FAF2: variants seen among roughly 807,000 people sequenced by gnomAD.
The protein encoded by FAF2 is FAS-associated factor 2.
FAF2 carries 9 observed loss-of-function variants against 62.3 expected under a neutral mutation model. The observed-to-expected ratio is 0.14, with a 90% CI of 0.09 to 0.25. The LOEUF is 0.25. FAF2 is among the 10% of genes least tolerant of loss of function. The pLI is 1.00. For synonymous variants in FAF2, 202 were observed against 198.0 expected, an observed-to-expected ratio of 1.02 and a Z score of -0.17; for missense variants, 368 against 556.2, an observed-to-expected ratio of 0.66 and a Z score of 3.40.
intron 4 of FAF2, among the ~76,000 whole-genome samples, chr5:176,489,290 CCT>C: frequency 1.2e-5 from 1 of 84,116 alleles, no homozygotes; most frequent in African/African-American, 4.1e-5. Context: ...TTTGTCTCCC[CCT>C]CCCCCCCCCA....
Position 176,508,921 on chromosome 5 carries a change from G to A in FAF2, c.*1971G>A, listed in dbSNP as rs1486457723. 1 of 152,158 alleles carries A rather than the reference G, an allele frequency of 6.6e-6. No individual in the cohort carries two copies. Among genetic ancestry groups the A allele is most frequent in the East Asian group, 1.9e-4 (1 of 5,198 alleles). The allele number at this position is 152,158 out of a possible 1,614,324, so 9.4% of individuals were successfully genotyped here. A position where few individuals can be genotyped will look rare whatever the true frequency, so the allele number is the denominator to read the frequency against. Reference sequence around the variant, plus strand: ...GGAGGGTATTAAGGACCTTTGTGAGGCTAGGTACACTGTCCACACCTCTTT... The same window carrying A: ...GGAGGGTATTAAGGACCTTTGTGAGACTAGGTACACTGTCCACACCTCTTT... On this transcript the variant is annotated 3_prime_UTR_variant, in exon 11 of 11. Coordinates refer to ENST00000261942, the MANE Select transcript of FAF2 (RefSeq NM_014613.3).
intron 1 of FAF2, among the ~76,000 whole-genome samples, chr5:176,468,271 C>T (rs930483917): frequency 3.3e-5 from 5 of 152,078 alleles, no homozygotes; most frequent in African/African-American, 1.2e-4. Flanking sequence ...CAAGGCATTG[C>T]ACTGGGTCTT....
chr5:176,461,498 ATT>A (rs879945081), intron 1 of FAF2, among the ~76,000 whole-genome samples: 1 of 142,190 alleles, frequency 7.0e-6, no homozygotes. Flanking sequence ...TTTTTATTTT[ATT>A]TTTTTTTTTT....
At position 176,483,217 on chromosome 5, in the gene FAF2, G is replaced by A. The variant is rs567268820; in HGVS notation, c.133-3138G>A. Among the ~76,000 whole-genome samples the A allele has an allele frequency of 1.1e-4, 17 of 152,060 alleles. No homozygotes were observed. The East Asian group carries it at 1.4e-3, about 12-fold the overall frequency. ...GACTACAGGTACATGCTATCTTGCC[G>A]CATTCATGATAGTGTAATTTGATGC... On this transcript the variant is annotated intron_variant, in intron 2 of 10. Transcript: ENST00000261942.
chr5:176,506,064 G>A (rs935540479), intron 10 of FAF2, among the ~76,000 whole-genome samples: 17 of 151,740 alleles, frequency 1.1e-4, no homozygotes, highest in Non-Finnish European at 1.6e-4. Flanking sequence ...GGTGGCGGGC[G>A]CTTGCACTCC....
chr5:176,479,394 G>A (rs2113732787), intron 2 of FAF2, 138 bp downstream of exon 2: 1 of 682,672 alleles, frequency 1.5e-6, no homozygotes, highest in East Asian at 2.7e-5. Context: ...AGTGCAGGAA[G>A]GTAAAGAATG....
chr5:176,452,612 G>C (rs1758207917), intron 1 of FAF2, among the ~76,000 whole-genome samples: 1 of 152,194 alleles, frequency 6.6e-6, no homozygotes, highest in Non-Finnish European at 1.5e-5. Context: ...TTCAACATGT[G>C]TTGGGCAGAA....
chr5:176,477,107 CT>C lies in FAF2; in HGVS notation c.64-2063del, dbSNP rs773244335. ...ACAGGCGTGAGCCACCGTGCCCGGCCTTTTTTTTTTTTTTTTTTAAGTTGAG... is the reference window on the plus strand; with the variant it reads ...ACAGGCGTGAGCCACCGTGCCCGGCCTTTTTTTTTTTTTTTTTAAGTTGAG... On this transcript the variant is annotated intron_variant, in intron 1 of 10. Transcript: ENST00000261942. 3.2e-3 allele frequency among the ~76,000 whole-genome samples: 394 copies of C among 122,850 alleles called. 3 individuals carry two copies. The highest frequency in any genetic ancestry group is 0.01 in the African/African-American group (280 of 27,956). The allele number at this position is 122,850 out of a possible 152,430, so 80.6% of individuals were successfully genotyped here.
intron 1 of FAF2, among the ~76,000 whole-genome samples, chr5:176,466,476 G>A (rs144096118): frequency 4.6e-5 from 7 of 152,298 alleles, no homozygotes; most frequent in Non-Finnish European, 7.3e-5. Flanking sequence ...GCGTTTGTTA[G>A]TATAAACAGA....
intron 1 of FAF2, 54 bp from the exon 2 acceptor site, chr5:176,479,132 TCA>T: frequency 7.2e-7 from 1 of 1,384,858 alleles, no homozygotes; most frequent in Non-Finnish European, 1.0e-6. Context: ...GTAAAAATAC[TCA>T]CACGTATACT....
At chr5:176,482,092 G>C (rs1283879639) in intron 2 of FAF2, among the ~76,000 whole-genome samples, 2 of 151,950 alleles carry the variant, frequency 1.3e-5, no homozygotes, top group African/African-American at 4.8e-5. Context: ...TTCCCTAGTG[G>C]CTAAAATGAT....
At chr5:176,483,453 TAGG>T (rs1386559100) in intron 2 of FAF2, among the ~76,000 whole-genome samples, 1 of 152,236 alleles carries the variant, frequency 6.6e-6, no homozygotes, top group African/African-American at 2.4e-5. Flanking sequence ...TAGTGTGATC[TAGG>T]GGTTAATCCA....
At chr5:176,469,114 A>C (rs920726553) in intron 1 of FAF2, among the ~76,000 whole-genome samples, 1 of 151,866 alleles carries the variant, frequency 6.6e-6, no homozygotes, top group African/African-American at 2.4e-5. Flanking sequence ...GCGTGGTAGC[A>C]TGTGCCTGTA....
chr5:176,457,773 A>G lies in FAF2; in HGVS notation c.63+9303A>G, dbSNP rs572866656. Among the ~76,000 whole-genome samples the G allele has an allele frequency of 5.9e-5, 9 of 152,222 alleles. No individual in the cohort carries two copies. In the South Asian group the frequency reaches 1.9e-3, roughly 32 times the overall value. On this transcript the variant is annotated intron_variant, in intron 1 of 10. Transcript: ENST00000261942. ...TGTGTGGGCCTTGGACTTTTCCACC[A>G]AGGAAATTATGAAAACTTTCTCACA...
chr5:176,462,191 G>A lies in FAF2; in HGVS notation c.63+13721G>A, dbSNP rs573534897. On this transcript the variant is annotated intron_variant, in intron 1 of 10. Transcript: ENST00000261942. ...CTTGAGAGGCTGAGGCGGGAGAATTGCTTGAACCCAAGAGACAGAGGTTGC... is the reference window on the plus strand; with the variant it reads ...CTTGAGAGGCTGAGGCGGGAGAATTACTTGAACCCAAGAGACAGAGGTTGC... Among the ~76,000 whole-genome samples, 12 of 151,270 alleles carry A rather than the reference G, an allele frequency of 7.9e-5. No homozygotes were observed. In the South Asian group the frequency reaches 1.5e-3, roughly 19 times the overall value.
At chr5:176,466,004 T>G (rs1758461120) in intron 1 of FAF2, among the ~76,000 whole-genome samples, 1 of 152,238 alleles carries the variant, frequency 6.6e-6, no homozygotes, top group Non-Finnish European at 1.5e-5. Context: ...GCGTGTAACT[T>G]TTTGAATCTT....
rs759577349 is a variant in FAF2, at chr5:176,494,128, G to T, written c.569+44G>T. ...TTCCTTCTCTTTTCTGACTCTTTCT[G>T]GTGACAGTTTATAGTCAGCAAGTTG... On this transcript the variant is annotated intron_variant, in intron 6 of 10. Transcript: ENST00000261942. This position sits in a 1 kb window ranked among gnomAD's most constrained non-coding sequence, Gnocchi z 4.0. 5.0e-6 allele frequency: 8 copies of T among 1,608,218 alleles called. No individual in the cohort carries two copies. The East Asian group carries it at 6.7e-5, about 14-fold the overall frequency.
chr5:176,450,628 A>G lies in FAF2; in HGVS notation c.63+2158A>G, dbSNP rs570488769. On this transcript the variant is annotated intron_variant, in intron 1 of 10. Coordinates refer to ENST00000261942, the MANE Select transcript of FAF2 (RefSeq NM_014613.3). Reference sequence around the variant, plus strand: ...GAGTGCAGTGGCGCGATCTCGGCTCACTGCAACCTCCGCCTTCCAGTTTCA... The same window carrying G: ...GAGTGCAGTGGCGCGATCTCGGCTCGCTGCAACCTCCGCCTTCCAGTTTCA... 2.7e-5 allele frequency among the ~76,000 whole-genome samples: 4 copies of G among 150,262 alleles called. No homozygotes were observed. The East Asian group carries it at 5.9e-4, about 22-fold the overall frequency.
intron 1 of FAF2, among the ~76,000 whole-genome samples, chr5:176,474,086 G>C (rs751611354): frequency 2.7e-4 from 41 of 152,196 alleles, no homozygotes; most frequent in Admixed American, 1.6e-3. Context: ...GGACCTTTCA[G>C]CTGACTGAGC....
Sources: allele counts gnomAD v4.1 joint callset (sites outside exome capture counted in the v4.1 genomes callset), GRCh38; gene constraint gnomAD v4.1.1; non-coding constraint Gnocchi (gnomAD v3.1); transcripts MANE v1.5; gene names NCBI Gene and HGNC (gene_info 2026-07-23, HGNC 2026-07-21).